The following FAT3 variants were observed in gnomAD, a reference collection of about 807,000 sequenced individuals.
FAT3 encodes FAT atypical cadherin 3, also known as protocadherin Fat 3.
FAT3 carries 95 observed loss-of-function variants against 310.2 expected under a neutral mutation model. That is an observed-to-expected ratio of 0.31 (90% CI 0.26 to 0.36). The LOEUF (loss-of-function observed/expected upper bound fraction) is 0.36. Among genes scored for constraint, FAT3 ranks in the 10% least tolerant of loss-of-function variants. FAT3 has a pLI of 1.00. For missense variants in FAT3, 5,408 were observed against 5,715.6 expected, an observed-to-expected ratio of 0.95 and a Z score of 1.74; for synonymous variants, 2,314 against 2,192.9, an observed-to-expected ratio of 1.06 and a Z score of -1.54.
At chr11:92,447,797 C>T (rs1043518464) in intron 2 of FAT3, among the ~76,000 whole-genome samples, 1 of 152,100 alleles carries the variant, frequency 6.6e-6, no homozygotes, top group African/African-American at 2.4e-5. Context: ...AGAATGGCTT[C>T]TTTTATCCAA....
At chr11:92,453,820 G>T (rs749690831) in intron 2 of FAT3, among the ~76,000 whole-genome samples, 1 of 152,068 alleles carries the variant, frequency 6.6e-6, no homozygotes, top group African/African-American at 2.4e-5. Context: ...ACGCAGTGTT[G>T]TACAACCATA....
At chr11:92,579,005 T>C (rs1938640042) in intron 3 of FAT3, among the ~76,000 whole-genome samples, 1 of 152,146 alleles carries the variant, frequency 6.6e-6, no homozygotes, top group South Asian at 2.1e-4. Flanking sequence ...TAAGGACATT[T>C]CTAAGTTTCA....
At chr11:92,503,634 T>G (rs1298244486) in intron 2 of FAT3, among the ~76,000 whole-genome samples, 1 of 152,158 alleles carries the variant, frequency 6.6e-6, no homozygotes, top group Admixed American at 6.6e-5. Flanking sequence ...CCTCTCTCTT[T>G]CTTTTGTTCT....
At position 92,801,443 on chromosome 11, in the gene FAT3, C is replaced by T; in HGVS notation, c.8430C>T (p.Asn2810=). 1 of 1,612,330 alleles carries T rather than the reference C, an allele frequency of 6.2e-7. No homozygotes were observed. Among genetic ancestry groups the T allele is most frequent in the Non-Finnish European group, 8.5e-7 (1 of 1,179,588 alleles). The change falls in exon 10 of 28, where the codon AAC becomes AAT. Residue 2810 remains asparagine (N), a synonymous_variant. Coordinates refer to ENST00000525166, the MANE Select transcript of FAT3 (RefSeq NM_001367949.2). ...VDIKVLDLND[N]KPVFETSSYD... is the part of the protein sequence containing the mutation. ...TCAAGGTATTGGATTTGAATGACAACAAGCCAGTCTTTGAAACTTCAAGCT... is the reference window on the plus strand; with the variant it reads ...TCAAGGTATTGGATTTGAATGACAATAAGCCAGTCTTTGAAACTTCAAGCT...
At chr11:92,778,078 G>A (rs775069233) in intron 7 of FAT3, among the ~76,000 whole-genome samples, 3 of 152,054 alleles carry the variant, frequency 2.0e-5, no homozygotes, top group Non-Finnish European at 4.4e-5. Flanking sequence ...ATCCTGGGGT[G>A]GAAAGTGCAA....
intron 3 of FAT3, among the ~76,000 whole-genome samples, chr11:92,693,059 T>C (rs532392897): frequency 3.9e-4 from 59 of 152,250 alleles, no homozygotes; most frequent in African/African-American, 1.4e-3. Context: ...GCTCAGGCTG[T>C]TTCTCAGAGA....
chr11:92,769,725 G>A (rs912363100), intron 6 of FAT3, among the ~76,000 whole-genome samples: 1 of 152,172 alleles, frequency 6.6e-6, no homozygotes, highest in Non-Finnish European at 1.5e-5. Flanking sequence ...TTCTCTGTTG[G>A]TGAGTGATAG....
intron 1 of FAT3, among the ~76,000 whole-genome samples, chr11:92,246,360 T>A (rs758338900): frequency 6.6e-6 from 1 of 151,958 alleles, no homozygotes. Flanking sequence ...TGGTGCCCCA[T>A]GAGTTGTGCA....
intron 26 of FAT3, among the ~76,000 whole-genome samples, chr11:92,889,467 C>T (rs1370517074): frequency 2.0e-5 from 3 of 151,814 alleles, no homozygotes; most frequent in South Asian, 4.2e-4. Context: ...TATAAAATCC[C>T]TTTCAAGAAA....
At chr11:92,761,617 A>G (rs1176983715) in intron 4 of FAT3, among the ~76,000 whole-genome samples, 4 of 152,176 alleles carry the variant, frequency 2.6e-5, no homozygotes, top group African/African-American at 9.7e-5. Context: ...ATCAGGACTC[A>G]ATCCTTATGA....
intron 3 of FAT3, among the ~76,000 whole-genome samples, chr11:92,691,371 G>A (rs1943794295): frequency 6.6e-6 from 1 of 152,094 alleles, no homozygotes; most frequent in African/African-American, 2.4e-5. Context: ...AGAAGCTCCA[G>A]AGTTAGTTTT....
chr11:92,471,020 A>G (rs1591333555), intron 2 of FAT3, among the ~76,000 whole-genome samples: 1 of 152,202 alleles, frequency 6.6e-6, no homozygotes, highest in African/African-American at 2.4e-5. Context: ...TATATTTTTA[A>G]CATTCTTCTG....
intron 3 of FAT3, among the ~76,000 whole-genome samples, chr11:92,600,913 C>G (rs1489030906): frequency 5.3e-5 from 8 of 152,216 alleles, no homozygotes; most frequent in Admixed American, 5.2e-4. Flanking sequence ...TGAGAAGGAT[C>G]TAGCTCTGGG....
intron 3 of FAT3, among the ~76,000 whole-genome samples, chr11:92,543,089 C>A (rs1204013075): frequency 6.6e-6 from 1 of 152,084 alleles, no homozygotes; most frequent in Non-Finnish European, 1.5e-5. Flanking sequence ...AAGACAAATA[C>A]CGCATGATCT....
intron 2 of FAT3, among the ~76,000 whole-genome samples, chr11:92,377,463 G>A (rs1298217543): frequency 2.0e-5 from 3 of 152,178 alleles, no homozygotes; most frequent in African/African-American, 7.2e-5. Context: ...CAGATAAAAA[G>A]TGATAAAAGT....
chr11:92,722,913 G>A (rs1944905449), intron 4 of FAT3, among the ~76,000 whole-genome samples: 1 of 152,106 alleles, frequency 6.6e-6, no homozygotes, highest in Non-Finnish European at 1.5e-5. Flanking sequence ...CCTGGGCCTG[G>A]CCTACGAAAA....
rs1369545256 is a variant in FAT3, at chr11:92,889,243, A to T, written c.13106A>T (p.Asn4369Ile). 1 of 708,444 alleles carries T rather than the reference A, an allele frequency of 1.4e-6. No individual in the cohort carries two copies. Among genetic ancestry groups the T allele is most frequent in the Non-Finnish European group, 2.6e-6 (1 of 380,580 alleles). 43.9% of individuals were successfully genotyped at this position (708,444 alleles called of 1,614,324 possible). A position where few individuals can be genotyped will look rare whatever the true frequency, so the allele number is the denominator to read the frequency against. ...AACAATGTAGTTGACACTATAGAGA[A>T]TGAAGGTATTTACTTTTTTTCTTCC... ...LVNNVVDTIE[N>I]EVSVMDQGQN... Residue 4369 changes from asparagine (N) to isoleucine (I), a missense_variant, in exon 26 of 28, where the codon AAT (asparagine) becomes ATT (isoleucine). Coordinates refer to ENST00000525166, the MANE Select transcript of FAT3 (RefSeq NM_001367949.2).
chr11:92,237,065 G>C (rs1218878793), intron 1 of FAT3, among the ~76,000 whole-genome samples: 1 of 152,138 alleles, frequency 6.6e-6, no homozygotes, highest in African/African-American at 2.4e-5. Flanking sequence ...GTAAGGTAAG[G>C]TTGGCACAAT....
At chr11:92,873,179 T>C (rs532526396) in intron 22 of FAT3, among the ~76,000 whole-genome samples, 1 of 152,296 alleles carries the variant, frequency 6.6e-6, no homozygotes, top group Admixed American at 6.5e-5. Context: ...AAGTGAGTAT[T>C]AGTGAGTCTC....
Sources: allele counts gnomAD v4.1 joint callset (sites outside exome capture counted in the v4.1 genomes callset), GRCh38; gene constraint gnomAD v4.1.1; transcripts MANE v1.5; gene names NCBI Gene and HGNC (gene_info 2026-07-23, HGNC 2026-07-21).